Variants in LAMB3 observed in about 807,000 individuals in gnomAD.
LAMB3 encodes the protein laminin subunit beta 3.
LAMB3 carries 104 observed loss-of-function variants against 140.3 expected under a neutral mutation model. The observed-to-expected ratio is 0.74, with a 90% CI of 0.63 to 0.87. The LOEUF (loss-of-function observed/expected upper bound fraction) is 0.87, where lower values mean the gene tolerates loss of function less well. Among genes scored for constraint, LAMB3 ranks in the 40% least tolerant of loss-of-function variants. LAMB3 has a pLI of 0.00. For missense variants in LAMB3, 1,531 were observed against 1,575.2 expected, an observed-to-expected ratio of 0.97 and a Z score of 0.47; for synonymous variants, 592 against 602.9, an observed-to-expected ratio of 0.98 and a Z score of 0.26.
At chr1:209,646,902 C>T (rs540731584) in intron 3 of LAMB3, among the ~76,000 whole-genome samples, 1 of 152,344 alleles carries the variant, frequency 6.6e-6, no homozygotes, top group South Asian at 2.1e-4. Context: ...ATCACAGAAT[C>T]ACAGACATTT....
At chr1:209,633,506 T>C (rs1481084199) in intron 6 of LAMB3, among the ~76,000 whole-genome samples, 2 of 152,120 alleles carry the variant, frequency 1.3e-5, no homozygotes, top group Admixed American at 6.6e-5. Flanking sequence ...GATGCGTGAA[T>C]GTGGGTGACC....
At chr1:209,619,641 T>C (rs1666116912) in intron 18 of LAMB3, among the ~76,000 whole-genome samples, 1 of 152,180 alleles carries the variant, frequency 6.6e-6, no homozygotes, top group African/African-American at 2.4e-5. Context: ...AGATGACATC[T>C]CCTCCCCATC....
Position 209,623,529 on chromosome 1 carries a change from A to G in LAMB3, c.2334T>C (p.Pro778=), listed in dbSNP as rs1402270157. 6 of 1,614,198 alleles carry G rather than the reference A, an allele frequency of 3.7e-6. No individual in the cohort carries two copies. The highest frequency in any genetic ancestry group is 3.4e-6 in the Non-Finnish European group (4 of 1,180,026). ...VALRLEMSSL[P]DLTPTFNKLC... ...CCTTGTTGAAGGTGGGTGTCAGGTC[A>G]GGCAACGAAGACATCTCCAGCCTCA... The change falls in exon 16 of 23, where the codon CCT becomes CCC. Residue 778 remains proline (P), a synonymous_variant. Coordinates refer to ENST00000356082, the MANE Select transcript of LAMB3 (RefSeq NM_000228.3). This position sits in a 1 kb window ranked among gnomAD's most constrained non-coding sequence, Gnocchi z 4.2.
chr1:209,619,702 G>A (rs1376617039), intron 18 of LAMB3, among the ~76,000 whole-genome samples: 4 of 152,142 alleles, frequency 2.6e-5, no homozygotes, highest in African/African-American at 7.2e-5. Flanking sequence ...ATTAAGGAGG[G>A]GGGCACCCAC....
At chr1:209,650,184 A>G (rs1405381478) in intron 2 of LAMB3, 66 bp from the exon 3 acceptor site, 9 of 1,501,336 alleles carry the variant, frequency 6.0e-6, no homozygotes, top group African/African-American at 5.5e-5. Flanking sequence ...CCACCCCAGT[A>G]TCTTTCAGGG....
chr1:209,630,771 A>G, intron 8 of LAMB3, 36 bp from the exon 9 acceptor site: 1 of 1,611,502 alleles, frequency 6.2e-7, no homozygotes, highest in Non-Finnish European at 8.5e-7. Context: ...GGAGTAATCA[A>G]CAAAGAAGGG....
chr1:209,630,873 G>A, intron 8 of LAMB3, 138 bp from the exon 9 acceptor site: 1 of 944,800 alleles, frequency 1.1e-6, no homozygotes, highest in Non-Finnish European at 1.6e-6. Flanking sequence ...AGCTTCCTCT[G>A]AATGCCGCAG....
intron 3 of LAMB3, among the ~76,000 whole-genome samples, chr1:209,648,269 TACTC>T (rs2076534532): frequency 6.6e-6 from 1 of 152,154 alleles, no homozygotes; most frequent in Non-Finnish European, 1.5e-5. Flanking sequence ...TCTCATCTAA[TACTC>T]ACTTACAGAA....
chr1:209,632,709 G>A lies in LAMB3; in HGVS notation c.696C>T (p.Tyr232=), dbSNP rs1013432566. The change falls in exon 8 of 23, where the codon TAC becomes TAT. Residue 232 remains tyrosine (Y), a synonymous_variant. Transcript: ENST00000356082. The part of the protein sequence containing the change: ...TRLAPVPQRG[Y]HPPSAYYAVS... ...CAGCATAGTAGGCGCTGGGAGGGTGGTAGCCCCTTTGGGGCACAGGGGCCA... is the reference window on the plus strand; with the variant it reads ...CAGCATAGTAGGCGCTGGGAGGGTGATAGCCCCTTTGGGGCACAGGGGCCA... The A allele has an allele frequency of 8.1e-6, 13 of 1,614,032 alleles. No individual in the cohort carries two copies. The highest frequency in any genetic ancestry group is 1.7e-5 in the Admixed American group (1 of 60,012).
Position 209,628,112 on chromosome 1 carries a change from T to A in LAMB3, c.1211A>T (p.His404Leu), listed in dbSNP as rs1221410361. ...TAGGTCACAGCGCTCTCCCTGCACA[T>A]GCTCCTTGCACACACACTGCCCGGT... is the stretch of plus-strand genomic sequence containing the variant. ...PVTGQCVCKE[H>L]VQGERCDLCK... Residue 404 changes from histidine to leucine, a missense_variant, in exon 11 of 23, where the codon CAT becomes CTT. Transcript: ENST00000356082. 1 of 1,596,526 alleles carries A rather than the reference T, an allele frequency of 6.3e-7. No individual in the cohort carries two copies. Among genetic ancestry groups the A allele is most frequent in the African/African-American group, 1.3e-5 (1 of 74,510 alleles).
chr1:209,650,161 G>A (rs1216979200), intron 2 of LAMB3, 43 bp from the exon 3 acceptor site: 3 of 1,584,204 alleles, frequency 1.9e-6, no homozygotes, highest in Non-Finnish European at 2.6e-6. Flanking sequence ...CAGAAAAAAA[G>A]GGACCTCACT....
chr1:209,626,077 C>T, intron 13 of LAMB3, 51 bp from the exon 14 acceptor site: 1 of 1,595,102 alleles, frequency 6.3e-7, no homozygotes, highest in Non-Finnish European at 8.6e-7. Context: ...GAGACAGAAG[C>T]AGCTGTCAGG....
rs776214216 is a variant in LAMB3, at chr1:209,634,636, C to T, written c.375G>A (p.Gly125=). ...CAATCAGCATGCCGGCGGGCATGGG[C>T]CCCTGTGGAGACAGGGGCAGTGTGC... ...QLQEVMMEFQ[G]PMPAGMLIER... is the part of the protein sequence containing the mutation. The change falls in exon 6 of 23, where the codon GGG becomes GGA. Residue 125 remains glycine (G), a splice_region_variant and synonymous_variant. Coordinates refer to ENST00000356082, the MANE Select transcript of LAMB3 (RefSeq NM_000228.3). 2.5e-6 allele frequency: 4 copies of T among 1,612,306 alleles called. No homozygotes were observed. Among genetic ancestry groups the T allele is most frequent in the South Asian group, 1.1e-5 (1 of 90,860 alleles).
intron 3 of LAMB3, among the ~76,000 whole-genome samples, chr1:209,641,233 C>A (rs1359111099): frequency 1.3e-5 from 2 of 152,130 alleles, no homozygotes; most frequent in Non-Finnish European, 2.9e-5. Flanking sequence ...CACTCCCTTC[C>A]TGCACTCAGG....
At position 209,629,763 on chromosome 1, in the gene LAMB3, C is replaced by G; in HGVS notation, c.1106G>C (p.Gly369Ala). The G allele has an allele frequency of 1.9e-6, 3 of 1,614,066 alleles. No individual in the cohort carries two copies. Among genetic ancestry groups the G allele is most frequent in the Non-Finnish European group, 2.5e-6 (3 of 1,180,044 alleles). The change falls in exon 10 of 23, where the codon GGA (glycine) becomes GCA (alanine). Residue 369 changes from glycine to alanine, a missense_variant. By Grantham distance (60) the Gly-to-Ala change is moderately conservative. Coordinates refer to ENST00000356082, the MANE Select transcript of LAMB3 (RefSeq NM_000228.3). Reference protein sequence around the residue: ...QLHYFRNRRPGASIQETCISC... With the variant: ...QLHYFRNRRPAASIQETCISC... ...GATGCAGGTCTCCTGAATGGAAGCT[C>G]CCGGGCGCCGGTTCCGGAAATAGTG...
At chr1:209,632,943 G>T in intron 7 of LAMB3, 127 bp downstream of exon 7, 2 of 1,039,946 alleles carry the variant, frequency 1.9e-6, no homozygotes, top group African/African-American at 1.6e-5. Flanking sequence ...GGCAAGCAGG[G>T]CAAGTATCAA....
At position 209,634,573 on chromosome 1, in the gene LAMB3, G is replaced by A; in HGVS notation, c.438C>T (p.Tyr146=). 4.3e-6 allele frequency: 7 copies of A among 1,614,138 alleles called. No homozygotes were observed. Among genetic ancestry groups the A allele is most frequent in the African/African-American group, 1.3e-5 (1 of 75,040 alleles). The change falls in exon 6 of 23, where the codon TAC becomes TAT. Residue 146 remains tyrosine, a synonymous_variant. Coordinates refer to ENST00000356082, the MANE Select transcript of LAMB3 (RefSeq NM_000228.3). ...SSDFGKTWRV[Y]QYLAADCTST... ...AGGTGCAGTCGGCAGCCAGGTACTGGTACACTCGCCAGGTCTTACCGAAGT... is the reference window on the plus strand; with the variant it reads ...AGGTGCAGTCGGCAGCCAGGTACTGATACACTCGCCAGGTCTTACCGAAGT...
chr1:209,632,917 G>A (rs1468355277), intron 7 of LAMB3, 141 bp from the exon 8 acceptor site: 1 of 1,035,646 alleles, frequency 9.7e-7, no homozygotes, highest in Non-Finnish European at 1.5e-6. Context: ...GCATCCCACA[G>A]ACAATATCCC....
intron 18 of LAMB3, 36 bp downstream of exon 18, chr1:209,622,500 G>C: frequency 6.2e-7 from 1 of 1,612,294 alleles, no homozygotes; most frequent in East Asian, 2.2e-5. Context: ...GGCAGGACTG[G>C]AACAGCAGCC....
Sources: gnomAD v4.1 joint callset for allele counts (sites outside exome capture counted in the v4.1 genomes callset) on GRCh38, gnomAD v4.1.1 for gene constraint, Gnocchi (gnomAD v3.1) non-coding constraint, MANE v1.5 for transcripts, NCBI Gene and HGNC (gene_info 2026-07-23, HGNC 2026-07-21) for gene names.